The following TTC7A variants were observed in gnomAD, a reference collection of about 807,000 sequenced individuals.
The protein encoded by TTC7A is tetratricopeptide repeat protein 7A.
TTC7A carries 110 observed loss-of-function variants against 103.7 expected under a neutral mutation model. The ratio of observed to expected loss-of-function variants is 1.06; its 90% CI spans 0.91 to 1.24. TTC7A has a LOEUF of 1.24. Ranked by LOEUF, TTC7A falls within the 50% of genes most tolerant of loss-of-function variation. The probability of loss-of-function intolerance (pLI) is 0.00; values close to 1 mark genes in which losing one functional copy is unlikely to be tolerated. For missense variants in TTC7A, 1,340 were observed against 1,116.3 expected, an observed-to-expected ratio of 1.20 and a Z score of -2.86; for synonymous variants, 521 against 467.9, an observed-to-expected ratio of 1.11 and a Z score of -1.47.
At position 46,941,910 on chromosome 2, in the gene TTC7A, T is replaced by C. The variant is rs1460730466; in HGVS notation, c.184+185T>C. ...CGCGAGAGAAAAATCACATGTGGTT[T>C]GGGGGCTTGGAGGGAAGAGAAACGG... is the stretch of plus-strand genomic sequence containing the variant. On this transcript the variant is annotated intron_variant, in intron 1 of 19. Transcript: ENST00000319190. The surrounding 1 kb of genome is among the most constrained non-coding windows in gnomAD (Gnocchi z 4.2). 2.7e-6 allele frequency: 2 copies of C among 737,128 alleles called. No individual in the cohort carries two copies. Among genetic ancestry groups the C allele is most frequent in the East Asian group, 2.7e-5 (1 of 36,754 alleles). The allele number at this position is 737,128 out of a possible 1,614,324, so 45.7% of individuals were successfully genotyped here.
chr2:47,054,537 AAGTC>A (rs1326008157), intron 18 of TTC7A, among the ~76,000 whole-genome samples: 2 of 152,312 alleles, frequency 1.3e-5, no homozygotes, highest in African/African-American at 2.4e-5. Context: ...GTCCCATTAA[AAGTC>A]AGGGGATCAG....
intron 8 of TTC7A, among the ~76,000 whole-genome samples, chr2:46,996,628 T>TATTTGG (rs1259333419): frequency 6.6e-6 from 1 of 152,118 alleles, no homozygotes; most frequent in African/African-American, 2.4e-5. Flanking sequence ...AGGGTGTGGA[T>TATTTGG]ATTTGGATGG....
intron 3 of TTC7A, among the ~76,000 whole-genome samples, chr2:46,963,130 A>C (rs540521259): frequency 3.3e-5 from 5 of 152,208 alleles, no homozygotes; most frequent in Non-Finnish European, 7.3e-5. Context: ...TGAGGTTTGC[A>C]TGGGGAGGGA....
At chr2:47,033,015 T>G (rs1261121760) in intron 15 of TTC7A, among the ~76,000 whole-genome samples, 1 of 152,074 alleles carries the variant, frequency 6.6e-6, no homozygotes, top group Non-Finnish European at 1.5e-5. Flanking sequence ...TGTAAGTAAG[T>G]CAATACTGTT....
intron 19 of TTC7A, among the ~76,000 whole-genome samples, chr2:47,070,733 G>C (rs1384487019): frequency 6.6e-6 from 1 of 152,132 alleles, no homozygotes; most frequent in Non-Finnish European, 1.5e-5. Context: ...TCCTGAGGTG[G>C]GAATTTCTGG....
intron 3 of TTC7A, among the ~76,000 whole-genome samples, chr2:46,969,771 G>A (rs753207338): frequency 7.2e-5 from 11 of 152,166 alleles, no homozygotes; most frequent in Admixed American, 7.2e-4. Flanking sequence ...TTGGCTACGT[G>A]AATATGCTCA....
chr2:47,022,965 G>T (rs565465468), intron 12 of TTC7A, among the ~76,000 whole-genome samples: 1 of 152,374 alleles, frequency 6.6e-6, no homozygotes, highest in East Asian at 1.9e-4. Context: ...AGTTAAGTGT[G>T]CAGCCAAGGC....
chr2:47,053,067 T>C (rs777326310), intron 18 of TTC7A, among the ~76,000 whole-genome samples: 1 of 152,048 alleles, frequency 6.6e-6, no homozygotes, highest in Non-Finnish European at 1.5e-5. Flanking sequence ...AGGTTCTGAA[T>C]CTGCAAAAAA....
intron 3 of TTC7A, among the ~76,000 whole-genome samples, chr2:46,963,182 C>A (rs1301016797): frequency 1.3e-5 from 2 of 152,210 alleles, no homozygotes; most frequent in African/African-American, 4.8e-5. Flanking sequence ...AATCTGGTCC[C>A]CCTGTCTCCT....
chr2:46,924,078 G>T (rs1272375491), intron 2 of TTC7A, among the ~76,000 whole-genome samples: 1 of 151,940 alleles, frequency 6.6e-6, no homozygotes, highest in African/African-American at 2.4e-5. Flanking sequence ...GGTGGTGTGG[G>T]CCTGTAGTCC....
intron 11 of TTC7A, 110 bp downstream of exon 11, chr2:47,011,545 G>A (rs1678054972): frequency 1.2e-6 from 1 of 849,404 alleles, no homozygotes; most frequent in Non-Finnish European, 1.8e-6. Flanking sequence ...AGGTGGAAAG[G>A]ATGGGAGCTA....
Position 47,007,323 on chromosome 2 carries a change from A to G in TTC7A, c.1287+599A>G, listed in dbSNP as rs1052574182. On this transcript the variant is annotated intron_variant, in intron 10 of 19. Coordinates refer to ENST00000319190, the MANE Select transcript of TTC7A (RefSeq NM_020458.4). The surrounding 1 kb of genome is among the most constrained non-coding windows in gnomAD (Gnocchi z 4.9). ...TCTCTATCCACCCAGCTCCGGTGCC[A>G]TCACCCCTGCTTTTTGCTCCGATCA... Among the ~76,000 whole-genome samples the G allele has an allele frequency of 1.3e-5, 2 of 152,130 alleles. No homozygotes were observed. Among genetic ancestry groups the G allele is most frequent in the East Asian group, 1.9e-4 (1 of 5,174 alleles).
At chr2:47,069,110 T>G (rs1573096232) in intron 19 of TTC7A, among the ~76,000 whole-genome samples, 1 of 152,074 alleles carries the variant, frequency 6.6e-6, no homozygotes. Context: ...CCTGGAGGGC[T>G]GGGCCAGGCA....
chr2:47,066,754 C>G (rs1457258564), intron 19 of TTC7A, among the ~76,000 whole-genome samples: 1 of 152,190 alleles, frequency 6.6e-6, no homozygotes, highest in Non-Finnish European at 1.5e-5. Context: ...CAAGGTCTCA[C>G]TATGTTGCCC....
chr2:46,921,812 T>C (rs1669118496), intron 2 of TTC7A, among the ~76,000 whole-genome samples: 1 of 152,278 alleles, frequency 6.6e-6, no homozygotes, highest in East Asian at 1.9e-4. Flanking sequence ...ATCCCTTACA[T>C]GCGCAGTTCA....
At chr2:47,016,857 A>G (rs12469879) in intron 11 of TTC7A, among the ~76,000 whole-genome samples, 84,963 of 151,436 alleles carry the variant, frequency 0.56, 24,085 homozygotes, top group East Asian at 0.77. Context: ...CAATTTTTCC[A>G]GATCGCAGGT....
intron 2 of TTC7A, among the ~76,000 whole-genome samples, chr2:46,922,829 A>G (rs1452191410): frequency 2.6e-5 from 4 of 152,194 alleles, no homozygotes; most frequent in African/African-American, 9.7e-5. Flanking sequence ...TTCTGATGCC[A>G]TCTACCTAGA....
At chr2:47,072,200 G>A (rs1272352133) in intron 19 of TTC7A, among the ~76,000 whole-genome samples, 1 of 152,158 alleles carries the variant, frequency 6.6e-6, no homozygotes, top group Non-Finnish European at 1.5e-5. Context: ...GCTCCCATCT[G>A]GCGAGAGCGT....
intron 3 of TTC7A, among the ~76,000 whole-genome samples, chr2:46,967,372 C>A (rs530728645): frequency 6.6e-6 from 1 of 152,278 alleles, no homozygotes; most frequent in South Asian, 2.1e-4. Context: ...TTTTACCTTG[C>A]GAAACCAAAA....
Sources: gnomAD v4.1 joint callset for allele counts (sites outside exome capture counted in the v4.1 genomes callset) on GRCh38, gnomAD v4.1.1 for gene constraint, Gnocchi (gnomAD v3.1) non-coding constraint, MANE v1.5 for transcripts, NCBI Gene and HGNC (gene_info 2026-07-23, HGNC 2026-07-21) for gene names.